MTA3: variants seen among roughly 807,000 people sequenced by gnomAD.
The protein encoded by MTA3 is metastasis-associated protein MTA3.
MTA3 carries 34 observed loss-of-function variants against 83.5 expected under a neutral mutation model. The ratio of observed to expected loss-of-function variants is 0.41; its 90% CI spans 0.31 to 0.54. The LOEUF (loss-of-function observed/expected upper bound fraction) is 0.54, where lower values mean the gene tolerates loss of function less well. MTA3 is among the 20% of genes least tolerant of loss of function. MTA3 has a pLI of 0.33. For synonymous variants in MTA3, 303 were observed against 252.7 expected, an observed-to-expected ratio of 1.20 and a Z score of -1.89; for missense variants, 761 against 726.4, an observed-to-expected ratio of 1.05 and a Z score of -0.55.
At chr2:42,572,785 T>G (rs1265328318) in intron 2 of MTA3, among the ~76,000 whole-genome samples, 1 of 152,178 alleles carries the variant, frequency 6.6e-6, no homozygotes, top group African/African-American at 2.4e-5. Flanking sequence ...TGGAGTGCAA[T>G]GGCGCAATCT....
At chr2:42,639,717 T>G (rs1373937060) in intron 4 of MTA3, among the ~76,000 whole-genome samples, 1 of 152,230 alleles carries the variant, frequency 6.6e-6, no homozygotes, top group Admixed American at 6.5e-5. Context: ...TTTAGGTTCT[T>G]AAATGTAGTT....
chr2:42,729,847 A>ATAGGCAT (rs1379660738), intron 16 of MTA3, among the ~76,000 whole-genome samples: 1 of 152,150 alleles, frequency 6.6e-6, no homozygotes, highest in Admixed American at 6.5e-5. Flanking sequence ...TGGTATTTTG[A>ATAGGCAT]TAGGCATTGC....
At position 42,714,665 on chromosome 2, in the gene MTA3, A is replaced by G. The variant is rs574177683; in HGVS notation, c.1526-4323A>G. Among the ~76,000 whole-genome samples the G allele has an allele frequency of 1.1e-3, 162 of 152,326 alleles. 1 individual carries two copies. The highest frequency in any genetic ancestry group is 1.6e-3 in the Non-Finnish European group (107 of 68,028). On this transcript the variant is annotated intron_variant, in intron 14 of 16. Coordinates refer to ENST00000405094, the MANE Select transcript of MTA3 (RefSeq NM_001330442.2). ...ATCATCCTCTAGGACAGTGGTCCCC[A>G]ACCTTTTTGGTACCAGGGACAGGTT...
rs533131243 is a variant in MTA3 at position 42,572,234 on chromosome 2, G to A, written c.96+1730G>A. ...GTGGAGCTTGCAGTGAGCCGAGATC[G>A]CGCCACTGCCCTCCAGCCTGGGTGA... On this transcript the variant is annotated intron_variant, in intron 2 of 16. Coordinates refer to ENST00000405094, the MANE Select transcript of MTA3 (RefSeq NM_001330442.2). Among the ~76,000 whole-genome samples the A allele has an allele frequency of 2.0e-3, 302 of 151,390 alleles. 3 individuals are homozygous for A. The highest frequency in any genetic ancestry group is 3.2e-3 in the Non-Finnish European group (220 of 67,822).
At chr2:42,700,623 T>G (rs1215386570) in intron 11 of MTA3, among the ~76,000 whole-genome samples, 1 of 152,212 alleles carries the variant, frequency 6.6e-6, no homozygotes, top group African/African-American at 2.4e-5. Flanking sequence ...TTCATATTTC[T>G]GGTAAACCTC....
At chr2:42,498,963 G>T (rs1363999615) in intron 2 of MTA3, among the ~76,000 whole-genome samples, 2 of 152,100 alleles carry the variant, frequency 1.3e-5, no homozygotes, top group Non-Finnish European at 2.9e-5. Flanking sequence ...GATTACAAAG[G>T]TAGAGCTGTA....
At chr2:42,695,722 T>C (rs1693332463) in intron 9 of MTA3, 43 bp from the exon 10 acceptor site, 2 of 1,178,956 alleles carry the variant, frequency 1.7e-6, no homozygotes, top group Non-Finnish European at 2.4e-6. Flanking sequence ...CTCATTTTAT[T>C]ATATGTTAAC....
At chr2:42,643,042 C>G (rs113451158) in intron 5 of MTA3, among the ~76,000 whole-genome samples, 6 of 145,884 alleles carry the variant, frequency 4.1e-5, no homozygotes, top group South Asian at 4.4e-4. Flanking sequence ...TCTCCCCCCC[C>G]CCCCTTTTTT....
intron 1 of MTA3, 137 bp downstream of exon 1, chr2:42,568,910 A>AG: frequency 1.1e-6 from 1 of 895,686 alleles, no homozygotes. Context: ...CGGGGCCCGC[A>AG]GAGGGGCCGG....
intron 2 of MTA3, among the ~76,000 whole-genome samples, chr2:42,516,760 A>G (rs1025170496): frequency 3.3e-5 from 5 of 152,216 alleles, no homozygotes; most frequent in Admixed American, 3.3e-4. Flanking sequence ...GGAAACCAAA[A>G]TAGAAACAAA....
chr2:42,578,224 A>T (rs996549178), intron 2 of MTA3, among the ~76,000 whole-genome samples: 20 of 152,212 alleles, frequency 1.3e-4, no homozygotes, highest in African/African-American at 4.8e-5. Flanking sequence ...GCATTTTATT[A>T]TAATCTGTGT....
At chr2:42,618,885 A>G (rs72800102) in intron 4 of MTA3, among the ~76,000 whole-genome samples, 1 of 152,294 alleles carries the variant, frequency 6.6e-6, no homozygotes, top group Non-Finnish European at 1.5e-5. Context: ...TATTGGGATT[A>G]CAGGTGTGAG....
intron 2 of MTA3, among the ~76,000 whole-genome samples, chr2:42,560,459 T>C (rs1040001576): frequency 7.0e-6 from 1 of 143,666 alleles, no homozygotes; most frequent in African/African-American, 2.6e-5. Flanking sequence ...TGGCCAACAA[T>C]GCGAAAGGCT....
Position 42,708,071 on chromosome 2 carries a change from A to G in MTA3, c.1302+17A>G, listed in dbSNP as rs1189046151. The G allele has an allele frequency of 6.3e-7, 1 of 1,587,766 alleles. No homozygotes were observed. The highest frequency in any genetic ancestry group is 2.2e-5 in the East Asian group (1 of 44,744). ...ACTACAGAGGTACAGTAGTCTTTTT[A>G]GTGTTGAAAAATGGCATGTTTTTAA... On this transcript the variant is annotated intron_variant, in intron 13 of 16. Coordinates refer to ENST00000405094, the MANE Select transcript of MTA3 (RefSeq NM_001330442.2).
At chr2:42,732,155 G>A (rs1162931300) in intron 16 of MTA3, among the ~76,000 whole-genome samples, 2 of 152,180 alleles carry the variant, frequency 1.3e-5, no homozygotes, top group African/African-American at 2.4e-5. Flanking sequence ...ACTCTGTGTG[G>A]GGACTCTGGC....
At chr2:42,734,214 G>C (rs999378452) in intron 16 of MTA3, among the ~76,000 whole-genome samples, 1 of 152,044 alleles carries the variant, frequency 6.6e-6, no homozygotes, top group Non-Finnish European at 1.5e-5. Context: ...GTGCTCCAGT[G>C]CTTGGTGCAT....
At chr2:42,647,155 T>TAAAAAAAAAAACA (rs1553373421) in intron 6 of MTA3, among the ~76,000 whole-genome samples, 7 of 92,072 alleles carry the variant, frequency 7.6e-5, no homozygotes, top group South Asian at 9.3e-4. Context: ...AGACTCTGTC[T>TAAAAAAAAAAACA]AAAAAAAAAA....
chr2:42,572,830 C>G (rs867656617), intron 2 of MTA3, among the ~76,000 whole-genome samples: 1 of 152,116 alleles, frequency 6.6e-6, no homozygotes, highest in African/African-American at 2.4e-5. Context: ...CAGGTTCAAG[C>G]GATTCTACTG....
rs1396721158 is a variant in MTA3 at position 42,548,833 on chromosome 2, T to TATATATATATAATATATATATATATA, written c.-140-21593_-140-21592insATATATATATATATAATATATATATA. 1.7e-3 allele frequency among the ~76,000 whole-genome samples: 20 copies of TATATATATATAATATATATATATATA among 11,512 alleles called. 1 individual carries two copies. In the East Asian group the frequency reaches 0.019, roughly 11 times the overall value. 7.6% of individuals were successfully genotyped at this position (11,512 alleles called of 152,430 possible). A position where few individuals can be genotyped will look rare whatever the true frequency, so the allele number is the denominator to read the frequency against. ...AAAATATATATATATATATATAATA[T>TATATATATATAATATATATATATATA]ATATATATATATAATATATATATAT... On this transcript the variant is annotated intron_variant, in intron 2 of 17. Coordinates refer to the MTA3 transcript ENST00000405592.
Sources: gnomAD v4.1 joint callset for allele counts (sites outside exome capture counted in the v4.1 genomes callset) on GRCh38, gnomAD v4.1.1 for gene constraint, MANE v1.5 for transcripts, NCBI Gene and HGNC (gene_info 2026-07-23, HGNC 2026-07-21) for gene names.